The following CCDC38 variants were observed in gnomAD, a reference collection of about 807,000 sequenced individuals.
The protein encoded by CCDC38 is coiled-coil domain-containing protein 38.
Under a neutral mutation model 72.8 loss-of-function variants are expected in CCDC38, and 69 were observed. The observed-to-expected ratio is 0.95, with a 90% CI of 0.78 to 1.16. CCDC38 has a LOEUF of 1.16. Among genes scored for constraint, CCDC38 ranks in the 50% most tolerant of loss-of-function variants. CCDC38 has a pLI of 0.00. For synonymous variants in CCDC38, 201 were observed against 213.2 expected, an observed-to-expected ratio of 0.94 and a Z score of 0.50; for missense variants, 626 against 638.9, an observed-to-expected ratio of 0.98 and a Z score of 0.22.
intron 4 of CCDC38, among the ~76,000 whole-genome samples, chr12:95,911,835 T>C (rs2080097592): frequency 6.6e-6 from 1 of 152,180 alleles, no homozygotes; most frequent in African/African-American, 2.4e-5. Context: ...AAAATAGAAC[T>C]ATCATCCAAC....
chr12:95,910,242 T>C (rs555589805), intron 4 of CCDC38, among the ~76,000 whole-genome samples: 7 of 151,904 alleles, frequency 4.6e-5, no homozygotes, highest in African/African-American at 1.7e-4. Flanking sequence ...TCAACAGCAT[T>C]TGTATACATC....
intron 4 of CCDC38, among the ~76,000 whole-genome samples, chr12:95,914,602 T>A (rs1159329221): frequency 6.6e-6 from 1 of 152,188 alleles, no homozygotes. Flanking sequence ...AAAACCACCA[T>A]CACCCCTAAC....
chr12:95,940,400 A>C (rs758586851), intron 1 of CCDC38, among the ~76,000 whole-genome samples: 1 of 152,208 alleles, frequency 6.6e-6, no homozygotes, highest in Non-Finnish European at 1.5e-5. Flanking sequence ...AATGAATAAT[A>C]ACACTGTCTA....
At chr12:95,867,636 G>A (rs1440107408) in intron 15 of CCDC38, among the ~76,000 whole-genome samples, 2 of 152,172 alleles carry the variant, frequency 1.3e-5, no homozygotes, top group African/African-American at 4.8e-5. Flanking sequence ...AGAAAACCAT[G>A]TACCATCTTG....
At chr12:95,908,454 G>A (rs1338734581) in intron 4 of CCDC38, among the ~76,000 whole-genome samples, 11 of 84 alleles carry the variant, frequency 0.13, 1 homozygote, top group South Asian at 0.56. Context: ...AGAGGGAGAG[G>A]GAGAGGGAGA....
intron 7 of CCDC38, among the ~76,000 whole-genome samples, chr12:95,895,734 CAA>C: frequency 1.0e-5 from 1 of 100,230 alleles, no homozygotes; most frequent in South Asian, 3.5e-4. Context: ...GCCTGGGCAA[CAA>C]GAGCAAAACT....
chr12:95,917,382 G>C, intron 3 of CCDC38, 88 bp from the exon 4 acceptor site: 1 of 1,122,486 alleles, frequency 8.9e-7, no homozygotes, highest in South Asian at 1.6e-5. Flanking sequence ...AATAACATTT[G>C]CAACAAAAAT....
intron 2 of CCDC38, among the ~76,000 whole-genome samples, chr12:95,931,644 T>C (rs1352123924): frequency 6.6e-6 from 1 of 152,234 alleles, no homozygotes; most frequent in South Asian, 2.1e-4. Context: ...TTTTAGGCAC[T>C]GATGTTACAC....
rs1345627808 is a variant in CCDC38, at chr12:95,907,605, C to T, written c.305-1154G>A. Among the ~76,000 whole-genome samples, 10 of 133,910 alleles carry T rather than the reference C, an allele frequency of 7.5e-5. 1 individual carries two copies. In the East Asian group the frequency reaches 1.9e-3, roughly 25 times the overall value. The allele number at this position is 133,910 out of a possible 152,430, so 87.9% of individuals were successfully genotyped here. A position where few individuals can be genotyped will look rare whatever the true frequency, so the allele number is the denominator to read the frequency against. On this transcript the variant is annotated intron_variant, in intron 4 of 15. Transcript: ENST00000344280. ...CTGACACCCCCACCTCCCTCCCGGA[C>T]GGGTGGCTGCCGGGCGGAGACGCTC...
intron 13 of CCDC38, among the ~76,000 whole-genome samples, chr12:95,875,570 T>C (rs1020485974): frequency 6.6e-6 from 1 of 152,098 alleles, no homozygotes; most frequent in African/African-American, 2.4e-5. Flanking sequence ...AAAAATGAGC[T>C]GCAGCTAAAT....
chr12:95,902,046 C>T (rs2079955636), intron 5 of CCDC38, among the ~76,000 whole-genome samples: 1 of 151,972 alleles, frequency 6.6e-6, no homozygotes, highest in Non-Finnish European at 1.5e-5. Context: ...CAGAGTTAGC[C>T]AAACTGATAT....
At position 95,890,872 on chromosome 12, in the gene CCDC38, A is replaced by G. The variant is rs6538681; in HGVS notation, c.831T>C (p.Ala277=). ...EGILEESGRT[A]VLSEDASQGR... ...CCTGAGAAGCATCTTCTGAAAGGACAGCTGTCCTCCCGGACTCCTCAAGGA... is the reference window on the plus strand; with the variant it reads ...CCTGAGAAGCATCTTCTGAAAGGACGGCTGTCCTCCCGGACTCCTCAAGGA... The change falls in exon 9 of 16, where the codon GCT becomes GCC. Residue 277 remains alanine, a synonymous_variant. Transcript: ENST00000344280. 1,136,445 of 1,602,154 alleles carry G rather than the reference A, an allele frequency of 0.71. 407,030 individuals are homozygous for G. The highest frequency in any genetic ancestry group is 0.89 in the African/African-American group (66,360 of 74,792).
intron 11 of CCDC38, 91 bp downstream of exon 11, chr12:95,881,394 T>C (rs935846126): frequency 2.1e-5 from 20 of 969,558 alleles, no homozygotes; most frequent in Non-Finnish European, 3.1e-5. Context: ...TGCAATATTT[T>C]GAATAAAATA....
chr12:95,883,293 CTT>C (rs2079721837), intron 10 of CCDC38, among the ~76,000 whole-genome samples: 1 of 152,220 alleles, frequency 6.6e-6, no homozygotes, highest in Non-Finnish European at 1.5e-5. Flanking sequence ...CTGTCACACT[CTT>C]GTTTAAAACA....
chr12:95,930,222 G>A (rs991175625), intron 2 of CCDC38, among the ~76,000 whole-genome samples: 6 of 152,068 alleles, frequency 3.9e-5, no homozygotes, highest in South Asian at 2.1e-4. Flanking sequence ...ACTTCTCCCC[G>A]TATTTCTTTC....
chr12:95,869,747 C>A, intron 14 of CCDC38, 174 bp from the exon 15 acceptor site: 3 of 533,728 alleles, frequency 5.6e-6, no homozygotes, highest in Non-Finnish European at 9.8e-6. Flanking sequence ...TAAATCTCGA[C>A]AACAAATACT....
chr12:95,888,253 T>TC (rs2079782286), intron 10 of CCDC38, among the ~76,000 whole-genome samples: 1 of 152,206 alleles, frequency 6.6e-6, no homozygotes, highest in Non-Finnish European at 1.5e-5. Flanking sequence ...GCAGATAGCT[T>TC]CTGCAAATAA....
At chr12:95,881,442 T>C (rs764698578) in intron 11 of CCDC38, 43 bp downstream of exon 11, 2 of 1,428,862 alleles carry the variant, frequency 1.4e-6, no homozygotes, top group East Asian at 4.6e-5. Context: ...TCAGTATTTT[T>C]CACCAAACCC....
intron 1 of CCDC38, among the ~76,000 whole-genome samples, chr12:95,940,582 T>C (rs1592815494): frequency 1.3e-5 from 2 of 152,144 alleles, no homozygotes; most frequent in Non-Finnish European, 2.9e-5. Context: ...CCATTTTTTT[T>C]TCCCACCTCC....
Sources: gnomAD v4.1 joint callset for allele counts (sites outside exome capture counted in the v4.1 genomes callset) on GRCh38, gnomAD v4.1.1 for gene constraint, MANE v1.5 for transcripts, NCBI Gene and HGNC (gene_info 2026-07-23, HGNC 2026-07-21) for gene names.